Variants in SMYD3 observed in about 807,000 individuals in gnomAD.
SMYD3 encodes the protein SET and MYND domain containing 3.
Under a neutral mutation model 57.7 loss-of-function variants are expected in SMYD3, and 36 were observed. The ratio of observed to expected loss-of-function variants is 0.62; its 90% CI spans 0.48 to 0.82. The LOEUF is 0.82. Among genes scored for constraint, SMYD3 ranks in the 40% least tolerant of loss-of-function variants. The pLI, the probability that SMYD3 is intolerant of heterozygous loss-of-function variation, is 0.00. For missense variants in SMYD3, 515 were observed against 538.8 expected (o/e 0.96, Z 0.44); for synonymous variants, 211 against 195.0 (o/e 1.08, Z -0.68).
At chr1:246,165,886 G>T (rs2062200383) in intron 5 of SMYD3, among the ~76,000 whole-genome samples, 1 of 152,130 alleles carries the variant, frequency 6.6e-6, no homozygotes, top group African/African-American at 2.4e-5. Context: ...ACATTAGGGT[G>T]AGAGGAGGCC....
chr1:245,858,416 A>C, intron 10 of SMYD3, 80 bp downstream of exon 10: 1 of 1,397,736 alleles, frequency 7.2e-7, no homozygotes, highest in Non-Finnish European at 9.6e-7. Flanking sequence ...AGTAGTAATC[A>C]GAATGACTTC....
chr1:246,427,477 G>A (rs995067486), intron 1 of SMYD3, among the ~76,000 whole-genome samples: 23 of 147,378 alleles, frequency 1.6e-4, no homozygotes, highest in Admixed American at 6.8e-4. Context: ...CCGAGATCCC[G>A]CCACTGCACT....
At chr1:246,417,239 G>A (rs937203062) in intron 1 of SMYD3, 2 of 152,212 alleles carry the variant, frequency 1.3e-5, no homozygotes, top group Non-Finnish European at 2.9e-5. Context: ...GAAAGAGAGT[G>A]CCATTTAAGC....
chr1:246,303,960 GA>G (rs2064937598), intron 5 of SMYD3, among the ~76,000 whole-genome samples: 1 of 152,150 alleles, frequency 6.6e-6, no homozygotes, highest in African/African-American at 2.4e-5. Flanking sequence ...TTTGTAGAAG[GA>G]AACTAATTAT....
intron 1 of SMYD3, among the ~76,000 whole-genome samples, chr1:246,506,397 C>G (rs1428159989): frequency 6.6e-6 from 1 of 152,186 alleles, no homozygotes; most frequent in Non-Finnish European, 1.5e-5. Flanking sequence ...GCACAGCACA[C>G]GGGGGACCCG....
At chr1:245,987,599 C>T (rs77909290) in intron 5 of SMYD3, among the ~76,000 whole-genome samples, 3,854 of 152,294 alleles carry the variant, frequency 0.025, 154 homozygotes, top group African/African-American at 0.082. Flanking sequence ...TTCCTCACAA[C>T]GATTTTTAAT....
chr1:246,121,031 C>T (rs1404720379), intron 5 of SMYD3, among the ~76,000 whole-genome samples: 1 of 152,198 alleles, frequency 6.6e-6, no homozygotes, highest in Non-Finnish European at 1.5e-5. Context: ...GAATAAAACA[C>T]ATTTCTTGCT....
chr1:246,164,559 C>T (rs2062173765), intron 5 of SMYD3, among the ~76,000 whole-genome samples: 1 of 152,246 alleles, frequency 6.6e-6, no homozygotes, highest in Non-Finnish European at 1.5e-5. Context: ...TTACATCTTT[C>T]CTCTTCCTAC....
At chr1:246,174,567 C>T (rs2062401110) in intron 5 of SMYD3, among the ~76,000 whole-genome samples, 1 of 152,186 alleles carries the variant, frequency 6.6e-6, no homozygotes, top group Non-Finnish European at 1.5e-5. Context: ...CTACCTCAGC[C>T]TCTTGAGTAG....
At chr1:246,474,042 TA>T (rs1298149622) in intron 1 of SMYD3, among the ~76,000 whole-genome samples, 1 of 152,260 alleles carries the variant, frequency 6.6e-6, no homozygotes, top group African/African-American at 2.4e-5. Flanking sequence ...ATTAACAATT[TA>T]TTTTTAATCT....
At chr1:246,220,139 T>C (rs770966109) in intron 5 of SMYD3, among the ~76,000 whole-genome samples, 38 of 152,132 alleles carry the variant, frequency 2.5e-4, no homozygotes, top group Non-Finnish European at 4.9e-4. Context: ...ATTTAGATGA[T>C]GAAAATCTTA....
At chr1:246,197,212 T>C (rs1226292189) in intron 5 of SMYD3, among the ~76,000 whole-genome samples, 1 of 152,142 alleles carries the variant, frequency 6.6e-6, no homozygotes, top group Non-Finnish European at 1.5e-5. Flanking sequence ...AATTTACATA[T>C]TAAATACTCC....
intron 5 of SMYD3, among the ~76,000 whole-genome samples, chr1:246,285,067 C>T (rs1008705324): frequency 1.3e-5 from 2 of 151,888 alleles, no homozygotes; most frequent in South Asian, 2.1e-4. Flanking sequence ...ACCCATCACC[C>T]GAGCAATATA....
At chr1:246,391,434 G>C (rs911876002) in intron 1 of SMYD3, among the ~76,000 whole-genome samples, 1 of 130,782 alleles carries the variant, frequency 7.6e-6, no homozygotes, top group African/African-American at 2.7e-5. Context: ...GAGAGAGAGA[G>C]AGAGAGAAGG....
chr1:245,751,837 A>G (rs994956927), intron 11 of SMYD3, among the ~76,000 whole-genome samples: 1 of 152,240 alleles, frequency 6.6e-6, no homozygotes, highest in Non-Finnish European at 1.5e-5. Context: ...GTGGGTGCAC[A>G]GCATCTGCCA....
Position 246,192,055 on chromosome 1 carries a change from T to G in SMYD3, c.531+135146A>C, listed in dbSNP as rs555693529. On this transcript the variant is annotated intron_variant, in intron 5 of 11. Transcript: ENST00000490107. ...CATTGAAGATCTTAAGAACTTTCAC[T>G]TAAAAGTTGGATACAGAAGAGGCTA... Among the ~76,000 whole-genome samples the G allele has an allele frequency of 3.9e-5, 6 of 152,206 alleles. No homozygotes were observed. The South Asian group carries it at 1.2e-3, about 32-fold the overall frequency.
At chr1:246,277,922 T>A (rs1446718890) in intron 5 of SMYD3, among the ~76,000 whole-genome samples, 1 of 152,348 alleles carries the variant, frequency 6.6e-6, no homozygotes, top group East Asian at 1.9e-4. Flanking sequence ...CACGGAAAGT[T>A]CTGTATCTTC....
chr1:246,390,214 CAAAAAAAAAAAAA>C (rs56279385), intron 1 of SMYD3, among the ~76,000 whole-genome samples: 21 of 67,040 alleles, frequency 3.1e-4, no homozygotes, highest in African/African-American at 9.6e-4. Flanking sequence ...ATTCTGTCTC[CAAAAAAAAAAAAA>C]AAAAAAAAAA....
chr1:246,227,778 C>A (rs1468904444), intron 5 of SMYD3, among the ~76,000 whole-genome samples: 1 of 152,040 alleles, frequency 6.6e-6, no homozygotes, highest in East Asian at 1.9e-4. Context: ...CCTCTCCAGC[C>A]ACTCTACCTT....
Sources: allele counts gnomAD v4.1 joint callset (sites outside exome capture counted in the v4.1 genomes callset), GRCh38; gene constraint gnomAD v4.1.1; transcripts MANE v1.5; gene names NCBI Gene and HGNC (gene_info 2026-07-23, HGNC 2026-07-21).